Variants in SPOCK3 observed in about 807,000 individuals in gnomAD.
SPOCK3 encodes SPARC (osteonectin), cwcv and kazal like domains proteoglycan 3, also known as testican-3.
In SPOCK3, 30 loss-of-function variants were observed where a neutral mutation model predicts 56.6. The ratio of observed to expected loss-of-function variants is 0.53; its 90% CI spans 0.40 to 0.72. The LOEUF is 0.72. Ranked by LOEUF, SPOCK3 falls within the 30% of genes least tolerant of loss-of-function variation. The pLI is 0.00. For missense variants in SPOCK3, 527 were observed against 530.0 expected (o/e 0.99, Z 0.06); for synonymous variants, 196 against 183.3 (o/e 1.07, Z -0.56).
chr4:166,789,876 A>G (rs571192203), intron 7 of SPOCK3, among the ~76,000 whole-genome samples: 203 of 152,308 alleles, frequency 1.3e-3, no homozygotes, highest in African/African-American at 4.8e-3. Flanking sequence ...GTCTGGCAAT[A>G]TCTATTATCT....
rs113296463 is a variant in SPOCK3, at chr4:166,783,600, C to T, written c.709+8570G>A. Among the ~76,000 whole-genome samples, 942 of 152,196 alleles carry T rather than the reference C, an allele frequency of 6.2e-3. 10 individuals are homozygous for T. The highest frequency in any genetic ancestry group is 0.021 in the African/African-American group (873 of 41,532). ...CCTTGCTGTGATATGTTGAAAATCA[C>T]TTAACACTCATTAATGTCTCAAAGG... On this transcript the variant is annotated intron_variant, in intron 7 of 10. Transcript: ENST00000357545.
At chr4:167,202,593 T>C (rs1324509781) in intron 2 of SPOCK3, among the ~76,000 whole-genome samples, 1 of 151,988 alleles carries the variant, frequency 6.6e-6, no homozygotes, top group East Asian at 1.9e-4. Flanking sequence ...AATTAACTGT[T>C]ATAATTCTCC....
At chr4:167,196,571 C>T (rs191873978) in intron 2 of SPOCK3, among the ~76,000 whole-genome samples, 1 of 152,132 alleles carries the variant, frequency 6.6e-6, no homozygotes, top group East Asian at 1.9e-4. Flanking sequence ...CGTAAGTTTA[C>T]ATCATCTGTT....
At chr4:167,055,834 G>T (rs922305664) in intron 3 of SPOCK3, among the ~76,000 whole-genome samples, 1 of 152,220 alleles carries the variant, frequency 6.6e-6, no homozygotes, top group African/African-American at 2.4e-5. Flanking sequence ...ACAGCTCAAG[G>T]AGGCCTGCCT....
At chr4:166,921,146 A>C (rs992071379) in intron 4 of SPOCK3, among the ~76,000 whole-genome samples, 1 of 152,332 alleles carries the variant, frequency 6.6e-6, no homozygotes, top group African/African-American at 2.4e-5. Context: ...ACTCTGCATT[A>C]GCTCTGACAG....
Position 167,189,467 on chromosome 4 carries a change from A to G in SPOCK3, c.189+44518T>C, listed in dbSNP as rs1409213982. Among the ~76,000 whole-genome samples the G allele has an allele frequency of 2.7e-5, 4 of 145,754 alleles. 2 individuals are homozygous for G. Among genetic ancestry groups the G allele is most frequent in the Non-Finnish European group, 6.0e-5 (4 of 66,852 alleles). On this transcript the variant is annotated intron_variant, in intron 2 of 10. Transcript: ENST00000357545. ...AAAGGCATTCATCAGTCCAAAAAAA[A>G]TTTATTATTTTTTTCCAGCTTTATT...
chr4:167,115,228 G>A (rs960099457), intron 2 of SPOCK3, among the ~76,000 whole-genome samples: 1 of 151,668 alleles, frequency 6.6e-6, no homozygotes, highest in African/African-American at 2.4e-5. Context: ...ATCTGTGGCG[G>A]CTTTTATGCT....
chr4:166,773,079 A>T (rs1739140674), intron 7 of SPOCK3, among the ~76,000 whole-genome samples: 1 of 152,180 alleles, frequency 6.6e-6, no homozygotes, highest in Non-Finnish European at 1.5e-5. Context: ...GTCATGAGCC[A>T]GCATGCCTAG....
At position 166,962,929 on chromosome 4, in the gene SPOCK3, C is replaced by T. The variant is rs568927833; in HGVS notation, c.350+37420G>A. Among the ~76,000 whole-genome samples, 88 of 152,146 alleles carry T rather than the reference C, an allele frequency of 5.8e-4. 1 individual carries two copies. The highest frequency in any genetic ancestry group is 9.4e-4 in the Non-Finnish European group (64 of 67,952). ...GAATGTCAACATGCAAAGACCACAA[C>T]ATGGTCAGTTCAAAATTTGTTGTAT... On this transcript the variant is annotated intron_variant, in intron 4 of 10. Transcript: ENST00000357545.
At chr4:167,087,323 A>G (rs1758288052) in intron 2 of SPOCK3, among the ~76,000 whole-genome samples, 1 of 152,136 alleles carries the variant, frequency 6.6e-6, no homozygotes, top group African/African-American at 2.4e-5. Context: ...GAGAATCCTC[A>G]GTTTCTGCTT....
chr4:166,793,509 C>T (rs1290435395), intron 6 of SPOCK3, among the ~76,000 whole-genome samples: 3 of 152,138 alleles, frequency 2.0e-5, no homozygotes, highest in Non-Finnish European at 4.4e-5. Context: ...TGTGTTGGGT[C>T]GCATTCAAAG....
chr4:166,874,376 G>C (rs1732860519), intron 6 of SPOCK3, among the ~76,000 whole-genome samples: 2 of 152,124 alleles, frequency 1.3e-5, no homozygotes, highest in South Asian at 4.1e-4. Flanking sequence ...ATTGTGGCAG[G>C]CAGGCTTGTT....
At chr4:166,796,718 A>G (rs1401383296) in intron 6 of SPOCK3, among the ~76,000 whole-genome samples, 1 of 152,184 alleles carries the variant, frequency 6.6e-6, no homozygotes, top group Non-Finnish European at 1.5e-5. Flanking sequence ...GAGGTGAAGA[A>G]ATGCAACACA....
At chr4:167,166,254 C>A (rs1305569865) in intron 2 of SPOCK3, among the ~76,000 whole-genome samples, 2 of 152,064 alleles carry the variant, frequency 1.3e-5, no homozygotes, top group East Asian at 3.9e-4. Context: ...GAAAAAAAAT[C>A]TTTTTAAAAA....
chr4:166,791,253 G>T (rs913965671), intron 7 of SPOCK3, among the ~76,000 whole-genome samples: 5 of 152,022 alleles, frequency 3.3e-5, no homozygotes, highest in Non-Finnish European at 7.4e-5. Flanking sequence ...TCCTTAATGT[G>T]AAAAAAATAA....
intron 3 of SPOCK3, among the ~76,000 whole-genome samples, chr4:167,045,870 T>C (rs1234447591): frequency 6.6e-6 from 1 of 152,130 alleles, no homozygotes; most frequent in African/African-American, 2.4e-5. Flanking sequence ...AAAAAATCCA[T>C]TTTACCCTCC....
At chr4:166,946,025 T>A (rs949654525) in intron 4 of SPOCK3, among the ~76,000 whole-genome samples, 9 of 72,602 alleles carry the variant, frequency 1.2e-4, no homozygotes, top group African/African-American at 4.5e-4. Flanking sequence ...CAAAACTTCT[T>A]GCATTTTGTA....
intron 6 of SPOCK3, 74 bp downstream of exon 6, chr4:166,889,056 T>C: frequency 1.1e-6 from 1 of 882,466 alleles, no homozygotes; most frequent in Non-Finnish European, 1.9e-6. Flanking sequence ...GTGTATTTAA[T>C]GACAACATCT....
chr4:166,980,916 G>A (rs916883398), intron 4 of SPOCK3, among the ~76,000 whole-genome samples: 2 of 152,206 alleles, frequency 1.3e-5, no homozygotes, highest in Non-Finnish European at 2.9e-5. Context: ...TATGGTGAGT[G>A]GGGGAGGGGG....
Sources: allele counts gnomAD v4.1 joint callset (sites outside exome capture counted in the v4.1 genomes callset), GRCh38; gene constraint gnomAD v4.1.1; transcripts MANE v1.5; gene names NCBI Gene and HGNC (gene_info 2026-07-23, HGNC 2026-07-21).